Variants in PHIP observed in about 807,000 individuals in gnomAD.
PHIP encodes the protein PH-interacting protein.
Under a neutral mutation model 236.8 loss-of-function variants are expected in PHIP, and 54 were observed. The observed-to-expected ratio is 0.23, with a 90% CI of 0.18 to 0.29. The LOEUF (loss-of-function observed/expected upper bound fraction) is 0.29. Ranked by LOEUF, PHIP falls within the 10% of genes least tolerant of loss-of-function variation. The pLI, the probability that PHIP is intolerant of heterozygous loss-of-function variation, is 1.00. For synonymous variants in PHIP, 756 were observed against 718.9 expected (o/e 1.05, Z -0.83); for missense variants, 1,370 against 2,190.8 (o/e 0.63, Z 7.48).
chr6:78,959,511 C>A (rs1046359216), intron 31 of PHIP, among the ~76,000 whole-genome samples: 3 of 152,006 alleles, frequency 2.0e-5, no homozygotes, highest in Non-Finnish European at 4.4e-5. Flanking sequence ...AGAGATTGAA[C>A]TAGAAGTTTC....
At chr6:79,072,394 T>C (rs974402167) in intron 4 of PHIP, among the ~76,000 whole-genome samples, 1 of 152,202 alleles carries the variant, frequency 6.6e-6, no homozygotes, top group African/African-American at 2.4e-5. Flanking sequence ...TTAACCATGA[T>C]TTATTTTTGG....
intron 6 of PHIP, 79 bp downstream of exon 6, chr6:79,060,399 C>G: frequency 3.4e-6 from 3 of 895,230 alleles, no homozygotes; most frequent in Non-Finnish European, 5.2e-6. Flanking sequence ...TCTAATACCA[C>G]AGTAACTAAA....
chr6:78,976,106 A>G (rs909793982), intron 24 of PHIP, among the ~76,000 whole-genome samples: 5 of 150,404 alleles, frequency 3.3e-5, no homozygotes, highest in Middle Eastern at 3.2e-3. Context: ...GAGGCATCAC[A>G]CTACCTGACT....
chr6:79,061,740 TA>T (rs773636585), intron 4 of PHIP, among the ~76,000 whole-genome samples: 25 of 151,878 alleles, frequency 1.6e-4, no homozygotes, highest in Non-Finnish European at 1.5e-5. Flanking sequence ...TACATTTTAG[TA>T]AGTGTAAAGG....
At chr6:78,942,881 A>C (rs572710380) in intron 39 of PHIP, among the ~76,000 whole-genome samples, 39 of 152,318 alleles carry the variant, frequency 2.6e-4, no homozygotes, top group South Asian at 6.2e-4. Flanking sequence ...TTTATAAAGC[A>C]ATATATAATG....
chr6:78,941,318 T>C lies in PHIP; in HGVS notation c.4841A>G (p.Asn1614Ser). The change falls in exon 40 of 40, where the codon AAC becomes AGC. Residue 1614 changes from asparagine to serine, a missense_variant. Physicochemically the swap from Asn to Ser is conservative, Grantham distance 46. Coordinates refer to ENST00000275034, the MANE Select transcript of PHIP (RefSeq NM_017934.7). ...SAVIEQGDCKNNALVPGTIQV... is the reference protein window; with the variant it reads ...SAVIEQGDCKSNALVPGTIQV... The stretch of plus-strand genomic sequence containing the variant: ...AATGGTTCCTGGTACAAGAGCGTTG[T>C]TCTTACAATCTCCTAAAAGGGAACA... 1 of 1,612,804 alleles carries C rather than the reference T, an allele frequency of 6.2e-7. No homozygotes were observed. Among genetic ancestry groups the C allele is most frequent in the East Asian group, 2.2e-5 (1 of 44,872 alleles).
chr6:78,954,836 G>C lies in PHIP; in HGVS notation c.4031C>G (p.Pro1344Arg). ...QCEDSEPFRQ[P>R]VDLLEYPDYR... ...TACTGGATATTCAAGGAGATCTACC[G>C]GCTGACGGAAAGGCTCTGAATCTTC... is the stretch of plus-strand genomic sequence containing the variant. Residue 1344 changes from proline (P) to arginine (R), a missense_variant, in exon 35 of 40, where the codon CCG becomes CGG. Around this residue, in one of 14 missense-constraint regions of PHIP, gnomAD observed 125 missense variants for 235.1 expected, o/e 0.53. Coordinates refer to ENST00000275034, the MANE Select transcript of PHIP (RefSeq NM_017934.7). The C allele has an allele frequency of 6.3e-7, 1 of 1,579,682 alleles. No individual in the cohort carries two copies. Among genetic ancestry groups the C allele is most frequent in the Non-Finnish European group, 8.6e-7 (1 of 1,168,574 alleles).
At chr6:78,987,431 A>G (rs907011412) in intron 21 of PHIP, among the ~76,000 whole-genome samples, 2 of 152,112 alleles carry the variant, frequency 1.3e-5, no homozygotes, top group African/African-American at 4.8e-5. Context: ...GACTAACTTA[A>G]ATTGTGGTTA....
chr6:79,006,577 A>G (rs772812548), intron 15 of PHIP, among the ~76,000 whole-genome samples: 33 of 152,130 alleles, frequency 2.2e-4, no homozygotes, highest in Non-Finnish European at 3.5e-4. Context: ...ACCCTCTCTC[A>G]CCAAATGAAA....
At chr6:79,023,052 A>C (rs923649184) in intron 9 of PHIP, among the ~76,000 whole-genome samples, 1 of 152,232 alleles carries the variant, frequency 6.6e-6, no homozygotes, top group African/African-American at 2.4e-5. Flanking sequence ...TCCAAGGCTT[A>C]TATCTAAAGA....
intron 4 of PHIP, among the ~76,000 whole-genome samples, chr6:79,065,134 T>C (rs1003569402): frequency 1.3e-5 from 2 of 152,208 alleles, no homozygotes; most frequent in Non-Finnish European, 2.9e-5. Flanking sequence ...CATCTACCTG[T>C]ATCTCCATAA....
intron 23 of PHIP, among the ~76,000 whole-genome samples, chr6:78,980,001 G>C (rs1001849714): frequency 6.6e-6 from 1 of 151,954 alleles, no homozygotes; most frequent in Admixed American, 6.6e-5. Flanking sequence ...TGGAGAGTTA[G>C]GGTAAAGGTC....
At chr6:79,045,536 A>G (rs1435558755) in intron 6 of PHIP, among the ~76,000 whole-genome samples, 1 of 152,242 alleles carries the variant, frequency 6.6e-6, no homozygotes, top group Admixed American at 6.5e-5. Flanking sequence ...AAAAAAGTAT[A>G]TAAGTAAATC....
intron 27 of PHIP, among the ~76,000 whole-genome samples, chr6:78,967,704 C>A (rs1767234272): frequency 2.6e-5 from 4 of 152,174 alleles, no homozygotes; most frequent in African/African-American, 9.7e-5. Context: ...GATGCTCATT[C>A]ATTTTAATTC....
At chr6:78,945,772 G>A in intron 38 of PHIP, 2 of 588,576 alleles carry the variant, frequency 3.4e-6, no homozygotes, top group South Asian at 4.7e-5. Flanking sequence ...TTTAAATTCA[G>A]GTAGTTTAGA....
intron 15 of PHIP, among the ~76,000 whole-genome samples, chr6:79,010,128 A>G (rs935977749): frequency 1.3e-5 from 2 of 151,702 alleles, no homozygotes; most frequent in African/African-American, 4.8e-5. Context: ...GAGAAAAGAA[A>G]AGAAAGAGAA....
At chr6:79,020,908 T>C (rs1771084909) in intron 9 of PHIP, among the ~76,000 whole-genome samples, 4 of 152,090 alleles carry the variant, frequency 2.6e-5, no homozygotes, top group Admixed American at 1.3e-4. Flanking sequence ...GCAATGAAAT[T>C]ATATTTTAAA....
intron 13 of PHIP, 151 bp downstream of exon 13, chr6:79,016,393 A>G (rs1171104887): frequency 2.5e-5 from 11 of 437,644 alleles, no homozygotes; most frequent in Non-Finnish European, 4.1e-5. Context: ...AAAAATCAAC[A>G]CTGCTCATCT....
chr6:79,011,528 T>C (rs1770574463), intron 15 of PHIP, among the ~76,000 whole-genome samples: 1 of 151,792 alleles, frequency 6.6e-6, no homozygotes, highest in Non-Finnish European at 1.5e-5. Flanking sequence ...ATACTGTCTA[T>C]TCCATTTCAT....
Sources: gnomAD v4.1 joint callset for allele counts (sites outside exome capture counted in the v4.1 genomes callset) on GRCh38, gnomAD v4.1.1 for gene constraint, gnomAD v4.1.1 regional missense constraint, MANE v1.5 for transcripts, NCBI Gene and HGNC (gene_info 2026-07-23, HGNC 2026-07-21) for gene names.